PEPD: variants seen among roughly 807,000 people sequenced by gnomAD.
PEPD encodes xaa-Pro dipeptidase.
A neutral mutation model predicts 60.7 loss-of-function variants in PEPD; 53 were observed. That is an observed-to-expected ratio of 0.87 (90% confidence interval 0.70 to 1.10). The LOEUF (loss-of-function observed/expected upper bound fraction) is 1.10. Among genes scored for constraint, PEPD ranks in the 50% least tolerant of loss-of-function variants. The pLI is 0.00. For missense variants in PEPD, 711 were observed against 711.9 expected, an observed-to-expected ratio of 1.00 and a Z score of 0.01; for synonymous variants, 267 against 284.1, an observed-to-expected ratio of 0.94 and a Z score of 0.60.
chr19:33,434,367 T>G (rs1439570978), intron 9 of PEPD, among the ~76,000 whole-genome samples: 1 of 152,162 alleles, frequency 6.6e-6, no homozygotes, highest in East Asian at 1.9e-4. Flanking sequence ...TGGTTTTGTG[T>G]GGACGCTGCC....
At chr19:33,421,166 C>T (rs934071906) in intron 9 of PEPD, among the ~76,000 whole-genome samples, 1 of 152,204 alleles carries the variant, frequency 6.6e-6, no homozygotes, top group Non-Finnish European at 1.5e-5. Flanking sequence ...AGTTCTTGTA[C>T]AGTCTTTTGG....
chr19:33,400,572 A>G (rs1183481866), intron 12 of PEPD, among the ~76,000 whole-genome samples: 2 of 152,250 alleles, frequency 1.3e-5, no homozygotes, highest in South Asian at 4.1e-4. Context: ...AACAGATCTC[A>G]GTCAGAGTCG....
At chr19:33,513,394 A>G (rs150098269) in intron 1 of PEPD, among the ~76,000 whole-genome samples, 1 of 152,098 alleles carries the variant, frequency 6.6e-6, no homozygotes, top group East Asian at 1.9e-4. Flanking sequence ...CACCTGAACC[A>G]AAGTCGCTCC....
In PEPD at chr19:33,457,417, C is replaced by T. The variant is rs561313797; in HGVS notation, c.671+5578G>A. On this transcript the variant is annotated intron_variant, in intron 9 of 14. Coordinates refer to ENST00000244137, the MANE Select transcript of PEPD (RefSeq NM_000285.4). ...GAGGGGCGTCCTCTCTGCGGCCCCA[C>T]GCCCCCTGCAGTCCTGAGCACTGTG... 3.3e-5 allele frequency among the ~76,000 whole-genome samples: 5 copies of T among 152,208 alleles called. No homozygotes were observed. In the East Asian group the frequency reaches 5.8e-4, roughly 18 times the overall value.
rs190619713 is a variant in PEPD, at chr19:33,520,944, C to T, written c.17+800G>A. 7.2e-5 allele frequency among the ~76,000 whole-genome samples: 11 copies of T among 152,338 alleles called. No individual in the cohort carries two copies. The East Asian group carries it at 2.1e-3, about 29-fold the overall frequency. ...GAAGCCGCCACCTGGAACACCACACCTTCCAACCAGCCCCAGGCATGCACC... is the reference window on the plus strand; with the variant it reads ...GAAGCCGCCACCTGGAACACCACACTTTCCAACCAGCCCCAGGCATGCACC... On this transcript the variant is annotated intron_variant, in intron 1 of 14. Coordinates refer to ENST00000244137, the MANE Select transcript of PEPD (RefSeq NM_000285.4).
chr19:33,393,011 G>A (rs1968262328), intron 12 of PEPD, among the ~76,000 whole-genome samples: 2 of 152,156 alleles, frequency 1.3e-5, no homozygotes, highest in South Asian at 4.1e-4. Flanking sequence ...GCCATTCACA[G>A]CACAGCGCCC....
intron 11 of PEPD, among the ~76,000 whole-genome samples, chr19:33,410,375 T>C (rs1157034560): frequency 6.6e-6 from 1 of 151,508 alleles, no homozygotes; most frequent in Non-Finnish European, 1.5e-5. Flanking sequence ...CGAGACTGAG[T>C]GTGTTCCTGC....
At chr19:33,443,275 T>G (rs1969520182) in intron 9 of PEPD, among the ~76,000 whole-genome samples, 1 of 152,214 alleles carries the variant, frequency 6.6e-6, no homozygotes, top group African/African-American at 2.4e-5. Context: ...CTGAATACTA[T>G]TCCCTCGTAT....
chr19:33,493,271 C>A lies in PEPD; in HGVS notation c.441+19G>T, dbSNP rs761741107. 14 of 1,596,920 alleles carry A rather than the reference C, an allele frequency of 8.8e-6. No homozygotes were observed. Among genetic ancestry groups the A allele is most frequent in the Non-Finnish European group, 5.2e-6 (6 of 1,164,566 alleles). ...CCCAGAGCCAAGCACTGCCCCACCC[C>A]TGGACACCAGCCACTTACCAAAGTG... On this transcript the variant is annotated intron_variant, in intron 5 of 14. Transcript: ENST00000244137.
At chr19:33,474,766 A>G (rs1314366122) in intron 7 of PEPD, among the ~76,000 whole-genome samples, 2 of 152,076 alleles carry the variant, frequency 1.3e-5, no homozygotes, top group Non-Finnish European at 2.9e-5. Context: ...GGATCTCTTA[A>G]GGCCAGGAGT....
At chr19:33,463,539 T>C (rs1969968200) in intron 8 of PEPD, among the ~76,000 whole-genome samples, 1 of 152,198 alleles carries the variant, frequency 6.6e-6, no homozygotes, top group African/African-American at 2.4e-5. Flanking sequence ...AAGACATGTG[T>C]TTCCTTATTT....
chr19:33,453,504 T>C (rs1010952901), intron 9 of PEPD, among the ~76,000 whole-genome samples: 11 of 152,238 alleles, frequency 7.2e-5, no homozygotes, highest in African/African-American at 2.4e-4. Flanking sequence ...GTGCCATTTT[T>C]CCAACAGCAT....
chr19:33,467,820 T>C (rs1335573963), intron 7 of PEPD, among the ~76,000 whole-genome samples: 1 of 152,156 alleles, frequency 6.6e-6, no homozygotes, highest in African/African-American at 2.4e-5. Flanking sequence ...TTGATAGCAC[T>C]TTAAAAACCT....
intron 2 of PEPD, chr19:33,511,493 GC>G: frequency 2.7e-6 from 1 of 365,718 alleles, no homozygotes; most frequent in East Asian, 6.7e-5. Context: ...TCTGCCACGT[GC>G]AGGCAGGCAA....
intron 9 of PEPD, among the ~76,000 whole-genome samples, chr19:33,419,819 G>C (rs1968973137): frequency 6.6e-6 from 1 of 151,926 alleles, no homozygotes; most frequent in Non-Finnish European, 1.5e-5. Context: ...CTGGGCGAAG[G>C]AGCCCCAGGC....
At chr19:33,492,085 G>C (rs1216337285) in intron 5 of PEPD, among the ~76,000 whole-genome samples, 1 of 150,188 alleles carries the variant, frequency 6.7e-6, no homozygotes, top group Non-Finnish European at 1.5e-5. Flanking sequence ...GGGTCACTTT[G>C]GGGGGAAGGC....
intron 11 of PEPD, among the ~76,000 whole-genome samples, chr19:33,408,985 T>A (rs1316701387): frequency 6.6e-6 from 1 of 152,256 alleles, no homozygotes; most frequent in Non-Finnish European, 1.5e-5. Flanking sequence ...TGGCTACATT[T>A]CAAAGTTAGC....
At chr19:33,467,384 C>A (rs1449667126) in intron 7 of PEPD, among the ~76,000 whole-genome samples, 1 of 151,806 alleles carries the variant, frequency 6.6e-6, no homozygotes, top group Non-Finnish European at 1.5e-5. Flanking sequence ...ATGTCTCCCC[C>A]AAACAGGTAA....
chr19:33,463,104 A>G (rs1306041892), intron 8 of PEPD, 63 bp from the exon 9 acceptor site: 5 of 968,608 alleles, frequency 5.2e-6, no homozygotes, highest in Non-Finnish European at 8.5e-6. Flanking sequence ...AGCGTGATAA[A>G]TAACATACAG....
Sources: gnomAD v4.1 joint callset for allele counts (sites outside exome capture counted in the v4.1 genomes callset) on GRCh38, gnomAD v4.1.1 for gene constraint, MANE v1.5 for transcripts, NCBI Gene and HGNC (gene_info 2026-07-23, HGNC 2026-07-21) for gene names.